OR51F1: variants seen among roughly 807,000 people sequenced by gnomAD.
OR51F1 encodes the protein olfactory receptor 51F1.
For missense variants in OR51F1, 438 were observed against 385.4 expected, an observed-to-expected ratio of 1.14 and a Z score of -1.14; for synonymous variants, 142 against 143.5, an observed-to-expected ratio of 0.99 and a Z score of 0.08.
rs1043605881 is a variant in OR51F1, at chr11:4,769,760, G to A, written c.179C>T (p.Thr60Ile). The change falls in exon 1 of 1, where the codon ACC (threonine) becomes ATC (isoleucine). Residue 60 changes from threonine to isoleucine, a missense_variant. Coordinates refer to ENST00000624103, the MANE Select transcript of OR51F1 (RefSeq NM_001004752.2). Reference sequence around the variant, plus strand: ...CATGGGTTCATGGAGACTCTGCTGGGTAATGATGACAAACAGGATCACGCT... The same window carrying A: ...CATGGGTTCATGGAGACTCTGCTGGATAATGATGACAAACAGGATCACGCT... ...GNSVILFVII[T>I]QQSLHEPMYY... 5 of 1,613,932 alleles carry A rather than the reference G, an allele frequency of 3.1e-6. No individual in the cohort carries two copies. The East Asian group carries it at 1.1e-4, about 36-fold the overall frequency.
rs1169700488 is a variant in OR51F1, at chr11:4,769,453, T to TA, written c.485dup (p.Val163SerfsTer11). On this transcript the variant is annotated frameshift_variant, in exon 1 of 1. Transcript: ENST00000624103. LOFTEE classifies it low-confidence loss of function (END_TRUNC). ...GCAAAAGTAGTGGCAATATTAGTAC[T>TA]ATAGCACGTGTAATCATCAGAAGAC... 1.2e-6 allele frequency: 2 copies of TA among 1,612,902 alleles called. No individual in the cohort carries two copies. The highest frequency in any genetic ancestry group is 4.5e-5 in the East Asian group (2 of 44,890).
Position 4,769,478 on chromosome 11 carries a change from C to G in OR51F1, c.461G>C (p.Gly154Ala). The change falls in exon 1 of 1, where the codon GGT becomes GCT. Residue 154 changes from glycine to alanine, a missense_variant. Coordinates refer to ENST00000624103, the MANE Select transcript of OR51F1 (RefSeq NM_001004752.2). ...ILTNSRIIQM[G>A]LLMITRAIVL... ...TATAGCACGTGTAATCATCAGAAGA[C>G]CCATTTGAATGATTCTGGAATTAGT... is the stretch of plus-strand genomic sequence containing the variant. 1 of 1,613,322 alleles carries G rather than the reference C, an allele frequency of 6.2e-7. No individual in the cohort carries two copies. The highest frequency in any genetic ancestry group is 8.5e-7 in the Non-Finnish European group (1 of 1,179,348).
chr11:4,769,466 A>G lies in OR51F1; in HGVS notation c.473T>C (p.Ile158Thr). The G allele has an allele frequency of 5.0e-6, 8 of 1,613,552 alleles. No individual in the cohort carries two copies. The highest frequency in any genetic ancestry group is 6.8e-6 in the Non-Finnish European group (8 of 1,179,462). ...SRIIQMGLLM[I>T]TRAIVLILPL... ...CAATATTAGTACTATAGCACGTGTAATCATCAGAAGACCCATTTGAATGAT... is the reference window on the plus strand; with the variant it reads ...CAATATTAGTACTATAGCACGTGTAGTCATCAGAAGACCCATTTGAATGAT... Residue 158 changes from isoleucine (I) to threonine (T), a missense_variant, in exon 1 of 1, where the codon ATT becomes ACT. Coordinates refer to ENST00000624103, the MANE Select transcript of OR51F1 (RefSeq NM_001004752.2).
chr11:4,769,532 C>T lies in OR51F1; in HGVS notation c.407G>A (p.Cys136Tyr), dbSNP rs1848683021. Reference protein sequence around the residue: ...ATAFDRYVAICDPLRYTTILT... With the variant: ...ATAFDRYVAIYDPLRYTTILT... ...AATGGTAGTGTACCTCAGAGGGTCA[C>T]AGATGGCCACATAACGGTCAAAGGC... Residue 136 changes from cysteine to tyrosine, a missense_variant, in exon 1 of 1, where the codon TGT becomes TAT. By Grantham distance (194) the Cys-to-Tyr change is radical (BLOSUM62 -2). Coordinates refer to ENST00000624103, the MANE Select transcript of OR51F1 (RefSeq NM_001004752.2). 6.2e-7 allele frequency: 1 copy of T among 1,613,756 alleles called. No homozygotes were observed. Among genetic ancestry groups the T allele is most frequent in the Middle Eastern group, 1.6e-4 (1 of 6,062 alleles).
chr11:4,769,384 G>A lies in OR51F1; in HGVS notation c.555C>T (p.His185=). The A allele has an allele frequency of 6.2e-7, 1 of 1,613,914 alleles. No homozygotes were observed. Among genetic ancestry groups the A allele is most frequent in the Non-Finnish European group, 8.5e-7 (1 of 1,179,754 alleles). ...TCACATCTGGATGGTAACAATAGGA[G>A]TGAGAAAGGGCATTCATTCTACAGA... The part of the protein sequence containing the change: ...LYFCRMNALS[H]SYCYHPDVIQ... Residue 185 remains histidine (H), a synonymous_variant, in exon 1 of 1, where the codon CAC becomes CAT. Transcript: ENST00000624103.
At position 4,769,885 on chromosome 11, in the gene OR51F1, A is replaced by G. The variant is rs776229953; in HGVS notation, c.54T>C (p.Phe18=). Residue 18 remains phenylalanine (F), a synonymous_variant, in exon 1 of 1, where the codon TTT becomes TTC. Transcript: ENST00000624103. The part of the protein sequence containing the change: ...MEILSNSTSK[F]PTFLLTGIPG... ...GAATGCCGGTCAACAAGAAGGTTGG[A>G]AATTTAGATGTTGAGTTGCTTAGGA... 167 of 1,610,564 alleles carry G rather than the reference A, an allele frequency of 1.0e-4. No homozygotes were observed. Among genetic ancestry groups the G allele is most frequent in the Non-Finnish European group, 1.4e-4 (162 of 1,176,898 alleles).
At position 4,769,659 on chromosome 11, in the gene OR51F1, G is replaced by A. The variant is rs1446623120; in HGVS notation, c.280C>T (p.Leu94Phe). 3.7e-6 allele frequency: 6 copies of A among 1,612,878 alleles called. No individual in the cohort carries two copies. Among genetic ancestry groups the A allele is most frequent in the South Asian group, 3.3e-5 (3 of 91,092 alleles). Residue 94 changes from leucine to phenylalanine, a missense_variant, in exon 1 of 1, where the codon CTC becomes TTC. Coordinates refer to ENST00000624103, the MANE Select transcript of OR51F1 (RefSeq NM_001004752.2). ...VSSLSTTLGILWFEAREISLY... is the reference protein window; with the variant it reads ...VSSLSTTLGIFWFEAREISLY... The stretch of plus-strand genomic sequence containing the variant: ...CTGATTTCACGTGCCTCAAACCAGA[G>A]GATACCTAATGTTGTTGACAATGAA...
chr11:4,769,541 A>C lies in OR51F1; in HGVS notation c.398T>G (p.Val133Gly), dbSNP rs772266655. Reference protein sequence around the residue: ...VLVATAFDRYVAICDPLRYTT... With the variant: ...VLVATAFDRYGAICDPLRYTT... ...GTACCTCAGAGGGTCACAGATGGCC[A>C]CATAACGGTCAAAGGCTGTAGCCAC... The change falls in exon 1 of 1, where the codon GTG becomes GGG. Residue 133 changes from valine (V) to glycine (G), a missense_variant. Transcript: ENST00000624103. 1 of 1,613,810 alleles carries C rather than the reference A, an allele frequency of 6.2e-7. No homozygotes were observed. Among genetic ancestry groups the C allele is most frequent in the Non-Finnish European group, 8.5e-7 (1 of 1,179,712 alleles).
Position 4,769,291 on chromosome 11 carries a change from A to G in OR51F1, c.648T>C (p.Thr216=). Residue 216 remains threonine (T), a synonymous_variant, in exon 1 of 1, where the codon ACT becomes ACC. Transcript: ENST00000624103. ...GGACAATGCATGGTGTATCTATTCC[A>G]GTGGTCAGGATGAGATCAATTAATC... ...ICGLIDLILT[T]GIDTPCIVLS... 1 of 1,613,424 alleles carries G rather than the reference A, an allele frequency of 6.2e-7. No homozygotes were observed. Among genetic ancestry groups the G allele is most frequent in the African/African-American group, 1.3e-5 (1 of 75,028 alleles).
chr11:4,769,894 T>C lies in OR51F1; in HGVS notation c.45A>G (p.Thr15=). ...QDTMEILSNS[T]SKFPTFLLTG... The stretch of plus-strand genomic sequence containing the variant: ...TCAACAAGAAGGTTGGAAATTTAGA[T>C]GTTGAGTTGCTTAGGATTTCCATGG... The change falls in exon 1 of 1, where the codon ACA becomes ACG. Residue 15 remains threonine, a synonymous_variant. Transcript: ENST00000624103. The C allele has an allele frequency of 1.2e-6, 2 of 1,608,230 alleles. No homozygotes were observed. Among genetic ancestry groups the C allele is most frequent in the Non-Finnish European group, 1.7e-6 (2 of 1,174,812 alleles).
chr11:4,769,325 C>T lies in OR51F1; in HGVS notation c.614G>A (p.Ser205Asn), dbSNP rs749009953. The change falls in exon 1 of 1, where the codon AGC (serine) becomes AAC (asparagine). Residue 205 changes from serine (S) to asparagine (N), a missense_variant. Coordinates refer to ENST00000624103, the MANE Select transcript of OR51F1 (RefSeq NM_001004752.2). ...QLACSDIRANSICGLIDLILT... is the reference protein window; with the variant it reads ...QLACSDIRANNICGLIDLILT... ...GATGAGATCAATTAATCCACAGATG[C>T]TATTTGCCCGAATGTCTGAACATGC... is the stretch of plus-strand genomic sequence containing the variant. 2.5e-6 allele frequency: 4 copies of T among 1,613,382 alleles called. No homozygotes were observed. The highest frequency in any genetic ancestry group is 2.2e-5 in the South Asian group (2 of 91,076).
rs1368694095 is a variant in OR51F1 at position 4,769,264 on chromosome 11, C to T, written c.675G>A (p.Leu225=). ...CAGAGTGAATAATTAAGATATATGA[C>T]AGGACAATGCATGGTGTATCTATTC... ...TTGIDTPCIV[L]SYILIIHSVL... Residue 225 remains leucine (L), a synonymous_variant, in exon 1 of 1, where the codon CTG becomes CTA. Coordinates refer to ENST00000624103, the MANE Select transcript of OR51F1 (RefSeq NM_001004752.2). The T allele has an allele frequency of 6.2e-7, 1 of 1,613,746 alleles. No homozygotes were observed. The highest frequency in any genetic ancestry group is 8.5e-7 in the Non-Finnish European group (1 of 1,179,648).
chr11:4,769,310 A>G lies in OR51F1; in HGVS notation c.629T>C (p.Ile210Thr), dbSNP rs767445159. 4 of 1,613,616 alleles carry G rather than the reference A, an allele frequency of 2.5e-6. No individual in the cohort carries two copies. The highest frequency in any genetic ancestry group is 1.1e-5 in the South Asian group (1 of 91,076). ...DIRANSICGL[I>T]DLILTTGIDT... ...TATTCCAGTGGTCAGGATGAGATCA[A>G]TTAATCCACAGATGCTATTTGCCCG... Residue 210 changes from isoleucine (I) to threonine (T), a missense_variant, in exon 1 of 1, where the codon ATT (isoleucine) becomes ACT (threonine). Physicochemically the swap from Ile to Thr is moderately conservative, Grantham distance 89. Transcript: ENST00000624103.
rs139690464 is a variant in OR51F1, at chr11:4,769,059, G to T, written c.880C>A (p.Pro294Thr). The T allele has an allele frequency of 3.9e-6, 6 of 1,556,204 alleles. No individual in the cohort carries two copies. Among genetic ancestry groups the T allele is most frequent in the Non-Finnish European group, 4.3e-6 (5 of 1,150,440 alleles). Residue 294 changes from proline to threonine, a missense_variant, in exon 1 of 1, where the codon CCT (proline) becomes ACT (threonine). By Grantham distance (38) the Pro-to-Thr change is conservative. Transcript: ENST00000624103. ...CTGTCGATGATGGGGTTGAGCACAG[G>T]GGGTAAAAGCAGGTATACATTAGCC... Reference protein sequence around the residue: ...VMANVYLLLPPVLNPIIDSVK... With the variant: ...VMANVYLLLPTVLNPIIDSVK...
In OR51F1 at chr11:4,769,277, G is replaced by T. The variant is rs1316926752; in HGVS notation, c.662C>A (p.Pro221Gln). The T allele has an allele frequency of 6.2e-7, 1 of 1,613,418 alleles. No homozygotes were observed. Among genetic ancestry groups the T allele is most frequent in the East Asian group, 2.2e-5 (1 of 44,894 alleles). ...DLILTTGIDTPCIVLSYILII... is the reference protein window; with the variant it reads ...DLILTTGIDTQCIVLSYILII... ...TAAGATATATGACAGGACAATGCAT[G>T]GTGTATCTATTCCAGTGGTCAGGAT... is the stretch of plus-strand genomic sequence containing the variant. Residue 221 changes from proline to glutamine, a missense_variant, in exon 1 of 1, where the codon CCA becomes CAA. Pro to Gln is a moderately conservative substitution (Grantham distance 76). Transcript: ENST00000624103.
In OR51F1 at chr11:4,769,303, G is replaced by A. The variant is rs188896909; in HGVS notation, c.636C>T (p.Leu212=). 6 of 1,612,948 alleles carry A rather than the reference G, an allele frequency of 3.7e-6. No individual in the cohort carries two copies. The highest frequency in any genetic ancestry group is 4.2e-6 in the Non-Finnish European group (5 of 1,178,902). The change falls in exon 1 of 1, where the codon CTC becomes CTT. Residue 212 remains leucine, a synonymous_variant. Coordinates refer to ENST00000624103, the MANE Select transcript of OR51F1 (RefSeq NM_001004752.2). ...GTGTATCTATTCCAGTGGTCAGGAT[G>A]AGATCAATTAATCCACAGATGCTAT... ...RANSICGLID[L]ILTTGIDTPC... is the part of the protein sequence containing the mutation.
In OR51F1 at chr11:4,769,670, G is replaced by A. The variant is rs564744652; in HGVS notation, c.269C>T (p.Thr90Ile). The A allele has an allele frequency of 7.9e-5, 128 of 1,612,782 alleles. 1 individual carries two copies. The South Asian group carries it at 1.3e-3, about 16-fold the overall frequency. The change falls in exon 1 of 1, where the codon ACA becomes ATA. Residue 90 changes from threonine (T) to isoleucine (I), a missense_variant. Physicochemically the swap from Thr to Ile is moderately conservative, Grantham distance 89. Transcript: ENST00000624103. The stretch of plus-strand genomic sequence containing the variant: ...TGCCTCAAACCAGAGGATACCTAAT[G>A]TTGTTGACAATGAAGAAACAGTCAA... ...LGLTVSSLST[T>I]LGILWFEARE...
Position 4,769,846 on chromosome 11 carries a change from AGACT to A in OR51F1, c.89_92del (p.Glu30ValfsTer23). Reference sequence around the variant, plus strand: ...AAGGAATGGAGATCCAGACATGGGCAGACTCTAGGCCAGGAATGCCGGTCAACAA... The same window carrying A: ...AAGGAATGGAGATCCAGACATGGGCACTAGGCCAGGAATGCCGGTCAACAA... On this transcript the variant is annotated frameshift_variant, in exon 1 of 1. Transcript: ENST00000624103. LOFTEE classifies it low-confidence loss of function (END_TRUNC). The A allele has an allele frequency of 6.2e-7, 1 of 1,613,310 alleles. No individual in the cohort carries two copies. Among genetic ancestry groups the A allele is most frequent in the East Asian group, 2.2e-5 (1 of 44,886 alleles).
At position 4,769,271 on chromosome 11, in the gene OR51F1, A is replaced by G. The variant is rs371059084; in HGVS notation, c.668T>C (p.Ile223Thr). Residue 223 changes from isoleucine (I) to threonine (T), a missense_variant, in exon 1 of 1, where the codon ATT (isoleucine) becomes ACT (threonine). Ile to Thr is a moderately conservative substitution (Grantham distance 89). Coordinates refer to ENST00000624103, the MANE Select transcript of OR51F1 (RefSeq NM_001004752.2). ...AATAATTAAGATATATGACAGGACA[A>G]TGCATGGTGTATCTATTCCAGTGGT... is the stretch of plus-strand genomic sequence containing the variant. ...ILTTGIDTPC[I>T]VLSYILIIHS... The G allele has an allele frequency of 6.2e-7, 1 of 1,613,736 alleles. No individual in the cohort carries two copies. The highest frequency in any genetic ancestry group is 8.5e-7 in the Non-Finnish European group (1 of 1,179,638).
Sources: gnomAD v4.1 joint callset for allele counts on GRCh38, gnomAD v4.1.1 for gene constraint, MANE v1.5 for transcripts, NCBI Gene and HGNC (gene_info 2026-07-23, HGNC 2026-07-21) for gene names.